NKD1: variants seen among roughly 807,000 people sequenced by gnomAD.
The protein encoded by NKD1 is NKD inhibitor of Wnt signaling pathway 1.
NKD1 carries 21 observed loss-of-function variants against 56.0 expected under a neutral mutation model. That is an observed-to-expected ratio of 0.38 (90% confidence interval 0.27 to 0.54). The LOEUF (loss-of-function observed/expected upper bound fraction) is 0.54. Among genes scored for constraint, NKD1 ranks in the 20% least tolerant of loss-of-function variants. NKD1 has a pLI of 0.82. For synonymous variants in NKD1, 263 were observed against 265.7 expected, an observed-to-expected ratio of 0.99 and a Z score of 0.10; for missense variants, 578 against 642.7, an observed-to-expected ratio of 0.90 and a Z score of 1.09.
chr16:50,613,635 G>A (rs1265280307), intron 4 of NKD1: 1 of 151,026 alleles, frequency 6.6e-6, no homozygotes, highest in Non-Finnish European at 1.5e-5. Context: ...AGCTCAGCTG[G>A]AACAGTGGAA....
At chr16:50,579,390 A>C (rs1314861248) in intron 3 of NKD1, among the ~76,000 whole-genome samples, 567 of 79,786 alleles carry the variant, frequency 7.1e-3, no homozygotes, top group Middle Eastern at 0.012. Flanking sequence ...CACTCTAACC[A>C]GCCACACATG....
At chr16:50,552,917 A>G (rs1379313329) in intron 3 of NKD1, among the ~76,000 whole-genome samples, 1 of 152,224 alleles carries the variant, frequency 6.6e-6, no homozygotes, top group Non-Finnish European at 1.5e-5. Context: ...TGCCCTTTCC[A>G]TGGGGACATG....
At chr16:50,561,394 A>C (rs1346632303) in intron 3 of NKD1, among the ~76,000 whole-genome samples, 4 of 99,784 alleles carry the variant, frequency 4.0e-5, no homozygotes, top group Non-Finnish European at 7.2e-5. Context: ...CTACTGCTGT[A>C]AAAAAAAAAA....
chr16:50,599,105 G>A (rs1961540644), intron 3 of NKD1, among the ~76,000 whole-genome samples: 1 of 152,114 alleles, frequency 6.6e-6, no homozygotes, highest in East Asian at 1.9e-4. Context: ...GTCGCCTGAG[G>A]CCTTCTGGGG....
intron 3 of NKD1, among the ~76,000 whole-genome samples, chr16:50,569,038 G>A (rs1960825628): frequency 6.6e-6 from 1 of 152,214 alleles, no homozygotes. Flanking sequence ...ATGTGAGGGA[G>A]AGTTTATCTG....
At chr16:50,571,416 C>T in intron 3 of NKD1, 1 of 895,886 alleles carries the variant, frequency 1.1e-6, no homozygotes, top group Non-Finnish European at 1.3e-6. Context: ...TTGGTAGGGA[C>T]CTTGGGAGTT....
chr16:50,630,831 C>T lies in NKD1; in HGVS notation c.616C>T (p.Gln206Ter). The change falls in exon 8 of 10, where the codon CAG (glutamine) becomes TAG (stop). Residue 206 changes from glutamine to a stop codon, truncating the protein, a stop_gained. Coordinates refer to ENST00000268459, the MANE Select transcript of NKD1 (RefSeq NM_033119.5). LOFTEE classifies it high-confidence loss of function. ...GCTTCTCGGGCCGGACTCAGACCTG[C>T]AGAGCGCAAGGCCCCGAGCAGAGAC... ...RSVLVNQADL[Q>*]SARPRAETKP... is the part of the protein sequence containing the mutation. The T allele has an allele frequency of 6.2e-7, 1 of 1,600,054 alleles. No homozygotes were observed.
chr16:50,564,794 C>G (rs1960721512), intron 3 of NKD1, among the ~76,000 whole-genome samples: 1 of 151,952 alleles, frequency 6.6e-6, no homozygotes, highest in Non-Finnish European at 1.5e-5. Context: ...TCACCTTTTT[C>G]CTTTCTGTAA....
Position 50,633,633 on chromosome 16 carries a change from C to T in NKD1, c.1265C>T (p.Ser422Leu). The change falls in exon 10 of 10, where the codon TCA becomes TTA. Residue 422 changes from serine to leucine, a missense_variant. Transcript: ENST00000268459. This position sits in a 1 kb window ranked among gnomAD's most constrained non-coding sequence, Gnocchi z 4.9. ...GCRGLQAPLA[S>L]GGPVLGREHL... ...CGGGGCCTGCAGGCACCACTGGCCTCAGGTGGCCCTGTCCTGGGGCGGGAG... is the reference window on the plus strand; with the variant it reads ...CGGGGCCTGCAGGCACCACTGGCCTTAGGTGGCCCTGTCCTGGGGCGGGAG... 6.2e-7 allele frequency: 1 copy of T among 1,608,760 alleles called. No homozygotes were observed. Among genetic ancestry groups the T allele is most frequent in the Non-Finnish European group, 8.5e-7 (1 of 1,178,202 alleles).
At chr16:50,608,581 C>T (rs1961771327) in intron 4 of NKD1, 2 of 588,680 alleles carry the variant, frequency 3.4e-6, no homozygotes, top group South Asian at 3.9e-5. Context: ...GTCCGGTCAC[C>T]TAGGTCCATG....
At chr16:50,552,032 T>C (rs1960398857) in intron 3 of NKD1, 1 of 152,182 alleles carries the variant, frequency 6.6e-6, no homozygotes, top group South Asian at 2.1e-4. Flanking sequence ...GGGCATGGGC[T>C]CCAAAGTCTG....
intron 4 of NKD1, among the ~76,000 whole-genome samples, chr16:50,620,061 T>C (rs936675111): frequency 1.2e-4 from 18 of 152,272 alleles, no homozygotes; most frequent in Non-Finnish European, 1.8e-4. Flanking sequence ...ATGGAGGTAA[T>C]CGTAATAACT....
At chr16:50,605,527 A>T (rs1479092933) in intron 3 of NKD1, among the ~76,000 whole-genome samples, 1 of 152,200 alleles carries the variant, frequency 6.6e-6, no homozygotes, top group Non-Finnish European at 1.5e-5. Flanking sequence ...GATAGAAAAT[A>T]TTTGGAAACA....
At chr16:50,606,181 C>G (rs939086860) in intron 3 of NKD1, 2 of 152,508 alleles carry the variant, frequency 1.3e-5, no homozygotes, top group Non-Finnish European at 2.9e-5. Context: ...CCTCAGCCCC[C>G]CAAGTAGTTG....
At chr16:50,552,346 C>G (rs941242525) in intron 3 of NKD1, 1 of 152,226 alleles carries the variant, frequency 6.6e-6, no homozygotes, top group Admixed American at 6.5e-5. Flanking sequence ...TGTAGAGAAG[C>G]CCTGTGCCAG....
chr16:50,623,080 A>G lies in NKD1; in HGVS notation c.366+1372A>G, dbSNP rs1039810733. Among the ~76,000 whole-genome samples the G allele has an allele frequency of 4.6e-5, 7 of 152,136 alleles. No homozygotes were observed. Among genetic ancestry groups the G allele is most frequent in the East Asian group, 1.9e-4 (1 of 5,160 alleles). On this transcript the variant is annotated intron_variant, in intron 5 of 9. Transcript: ENST00000268459. This position sits in a 1 kb window ranked among gnomAD's most constrained non-coding sequence, Gnocchi z 4.1. ...GGAGCCTTTGGGGTGAGAAGGGCCT[A>G]TCAGGCAGAGGGAGCTGCAGGAGCA...
intron 3 of NKD1, among the ~76,000 whole-genome samples, chr16:50,605,686 A>T (rs1961691191): frequency 6.6e-6 from 1 of 152,234 alleles, no homozygotes; most frequent in African/African-American, 2.4e-5. Flanking sequence ...GGATGTTTGT[A>T]GTTTATATGC....
chr16:50,579,943 A>G (rs546149175), intron 3 of NKD1, among the ~76,000 whole-genome samples: 34 of 152,108 alleles, frequency 2.2e-4, no homozygotes, highest in Admixed American at 7.2e-4. Context: ...ACTACCTGCT[A>G]CACATGCACT....
At chr16:50,579,076 C>A (rs1961050215) in intron 3 of NKD1, among the ~76,000 whole-genome samples, 1 of 152,182 alleles carries the variant, frequency 6.6e-6, no homozygotes, top group Non-Finnish European at 1.5e-5. Context: ...TTCTCTCAGT[C>A]CCACGGGCTA....
Sources: allele counts gnomAD v4.1 joint callset (sites outside exome capture counted in the v4.1 genomes callset), GRCh38; gene constraint gnomAD v4.1.1; non-coding constraint Gnocchi (gnomAD v3.1); transcripts MANE v1.5; gene names NCBI Gene and HGNC (gene_info 2026-07-23, HGNC 2026-07-21).